Variants in SLC4A10 observed in about 807,000 individuals in gnomAD.
SLC4A10 encodes solute carrier family 4 member 10, also known as sodium-driven chloride bicarbonate exchanger.
A neutral mutation model predicts 137.7 loss-of-function variants in SLC4A10; 42 were observed. The observed-to-expected ratio is 0.30, with a 90% CI of 0.24 to 0.39. The LOEUF (loss-of-function observed/expected upper bound fraction) is 0.39, where lower values mean the gene tolerates loss of function less well. Ranked by LOEUF, SLC4A10 falls within the 10% of genes least tolerant of loss-of-function variation. The pLI is 1.00. For synonymous variants in SLC4A10, 474 were observed against 464.1 expected, an observed-to-expected ratio of 1.02 and a Z score of -0.27; for missense variants, 925 against 1,355.0, an observed-to-expected ratio of 0.68 and a Z score of 4.98.
intron 1 of SLC4A10, among the ~76,000 whole-genome samples, chr2:161,632,533 T>C (rs1414651768): frequency 6.6e-6 from 1 of 151,716 alleles, no homozygotes; most frequent in African/African-American, 2.4e-5. Context: ...TATAACTTTA[T>C]GATATAAATG....
At chr2:161,933,790 G>A (rs1372677407) in intron 15 of SLC4A10, among the ~76,000 whole-genome samples, 2 of 152,076 alleles carry the variant, frequency 1.3e-5, no homozygotes, top group African/African-American at 2.4e-5. Context: ...AGTGAACATG[G>A]GAATGCAGAT....
chr2:161,627,342 T>C (rs1436814126), intron 1 of SLC4A10, among the ~76,000 whole-genome samples: 5 of 152,158 alleles, frequency 3.3e-5, no homozygotes, highest in South Asian at 4.2e-4. Context: ...TTTTTAGTTA[T>C]AATTATGAAA....
chr2:161,794,444 G>A lies in SLC4A10; in HGVS notation c.131-10005G>A, dbSNP rs2054541094. 2.0e-5 allele frequency among the ~76,000 whole-genome samples: 3 copies of A among 152,132 alleles called. No individual in the cohort carries two copies. In the South Asian group the frequency reaches 6.2e-4, roughly 32 times the overall value. On this transcript the variant is annotated intron_variant, in intron 2 of 26. Transcript: ENST00000446997. ...TAAAGGCATTAGGGAGCTTTGGGAT[G>A]TGATAGATATATTTCCATGTGTAAG...
intron 12 of SLC4A10, chr2:161,902,209 C>T: frequency 2.4e-6 from 1 of 408,724 alleles, no homozygotes; most frequent in South Asian, 1.8e-5. Flanking sequence ...CTGCTAAAAG[C>T]ACATTTATTA....
intron 1 of SLC4A10, among the ~76,000 whole-genome samples, chr2:161,740,276 C>T (rs2047748512): frequency 6.6e-6 from 1 of 152,168 alleles, no homozygotes; most frequent in African/African-American, 2.4e-5. Flanking sequence ...CCATCAGCTC[C>T]TCACACAATT....
At chr2:161,701,281 A>G (rs2043095253) in intron 1 of SLC4A10, among the ~76,000 whole-genome samples, 1 of 151,954 alleles carries the variant, frequency 6.6e-6, no homozygotes, top group African/African-American at 2.4e-5. Context: ...GCTGTTAACA[A>G]TCTATTTATT....
chr2:161,670,048 G>A (rs1402088997), intron 1 of SLC4A10, among the ~76,000 whole-genome samples: 1 of 152,050 alleles, frequency 6.6e-6, no homozygotes, highest in Non-Finnish European at 1.5e-5. Context: ...CAATAAATTT[G>A]TGTAATAATT....
At chr2:161,633,871 A>T (rs1280547026) in intron 1 of SLC4A10, among the ~76,000 whole-genome samples, 1 of 151,808 alleles carries the variant, frequency 6.6e-6, no homozygotes, top group Admixed American at 6.6e-5. Flanking sequence ...TCAAAAGTAA[A>T]TATAAACTAA....
intron 16 of SLC4A10, among the ~76,000 whole-genome samples, chr2:161,946,778 A>G (rs137973935): frequency 1.3e-5 from 2 of 152,220 alleles, no homozygotes; most frequent in East Asian, 3.9e-4. Flanking sequence ...ACAGAACTAC[A>G]GTTGCAGAAG....
At chr2:161,642,171 C>A (rs1233880612) in intron 1 of SLC4A10, among the ~76,000 whole-genome samples, 1 of 151,860 alleles carries the variant, frequency 6.6e-6, no homozygotes, top group Non-Finnish European at 1.5e-5. Context: ...ATCTTTGATT[C>A]CCTAGTGTAG....
chr2:161,850,154 T>C (rs1018621374), intron 4 of SLC4A10, among the ~76,000 whole-genome samples: 25 of 151,840 alleles, frequency 1.6e-4, no homozygotes, highest in Non-Finnish European at 4.4e-5. Flanking sequence ...CTTTGGGAGG[T>C]TGAGGTGGGT....
At chr2:161,896,108 A>T (rs1301221480) in intron 11 of SLC4A10, among the ~76,000 whole-genome samples, 1 of 152,160 alleles carries the variant, frequency 6.6e-6, no homozygotes, top group Non-Finnish European at 1.5e-5. Flanking sequence ...TAAGGAAGGG[A>T]TCCACTTTCA....
chr2:161,679,899 T>A (rs2040662258), intron 1 of SLC4A10, among the ~76,000 whole-genome samples: 1 of 152,114 alleles, frequency 6.6e-6, no homozygotes, highest in Non-Finnish European at 1.5e-5. Flanking sequence ...CTCTTCAGCC[T>A]GTCACTTAGG....
intron 1 of SLC4A10, among the ~76,000 whole-genome samples, chr2:161,714,205 T>C (rs1228689974): frequency 6.6e-6 from 1 of 151,964 alleles, no homozygotes; most frequent in East Asian, 1.9e-4. Context: ...GTTGTACTTA[T>C]TAATCTTTGC....
rs575139861 is a variant in SLC4A10, at chr2:161,808,942, G to C, written c.277+4347G>C. ...TGAGTATATACCCAGTAATGGGATT[G>C]CTGGGTTGAATGGTAGTTCTGTTTT... On this transcript the variant is annotated intron_variant, in intron 3 of 26. Transcript: ENST00000446997. Among the ~76,000 whole-genome samples the C allele has an allele frequency of 3.3e-5, 5 of 152,282 alleles. No individual in the cohort carries two copies. In the South Asian group the frequency reaches 1.0e-3, roughly 32 times the overall value.
intron 24 of SLC4A10, among the ~76,000 whole-genome samples, chr2:161,974,818 A>G (rs781283983): frequency 6.6e-6 from 1 of 152,184 alleles, no homozygotes; most frequent in Non-Finnish European, 1.5e-5. Context: ...TTTATGTACA[A>G]AGACATAGCA....
At chr2:161,637,106 TTTATGTATATATATCTATATACATAA>T in intron 1 of SLC4A10, among the ~76,000 whole-genome samples, 1 of 125,538 alleles carries the variant, frequency 8.0e-6, no homozygotes, top group Non-Finnish European at 1.8e-5. Flanking sequence ...TATATACGTA[TTTATGTATATATATCTATATACATAA>T]ATACGTATTT....
At chr2:161,827,688 T>C (rs1266404016) in intron 3 of SLC4A10, among the ~76,000 whole-genome samples, 1 of 151,834 alleles carries the variant, frequency 6.6e-6, no homozygotes, top group Non-Finnish European at 1.5e-5. Flanking sequence ...GCCTCAGCCT[T>C]CCGAGTAGCT....
intron 2 of SLC4A10, among the ~76,000 whole-genome samples, chr2:161,772,661 A>C (rs1286104968): frequency 6.6e-6 from 1 of 151,896 alleles, no homozygotes; most frequent in Non-Finnish European, 1.5e-5. Flanking sequence ...CAATAAGCTA[A>C]TAACAGTGAT....
Sources: allele counts gnomAD v4.1 joint callset (sites outside exome capture counted in the v4.1 genomes callset), GRCh38; gene constraint gnomAD v4.1.1; transcripts MANE v1.5; gene names NCBI Gene and HGNC (gene_info 2026-07-23, HGNC 2026-07-21).